TMEM138: variants seen among roughly 807,000 people sequenced by gnomAD.
The protein encoded by TMEM138 is transmembrane protein 138.
Under a neutral mutation model 18.1 loss-of-function variants are expected in TMEM138, and 9 were observed. The observed-to-expected ratio is 0.50, with a 90% CI of 0.30 to 0.87. The LOEUF (loss-of-function observed/expected upper bound fraction) is 0.87, where lower values mean the gene tolerates loss of function less well. TMEM138 is among the 40% of genes least tolerant of loss of function. TMEM138 has a pLI of 0.06. For synonymous variants in TMEM138, 79 were observed against 74.8 expected (o/e 1.06, Z -0.29); for missense variants, 189 against 190.6 (o/e 0.99, Z 0.05).
chr11:61,373,846 T>A (rs1266954334), downstream of TMEM138, among the ~76,000 whole-genome samples: 1 of 151,852 alleles, frequency 6.6e-6, no homozygotes, highest in African/African-American at 2.4e-5. Context: ...TTTTTTATTT[T>A]TTTTTTTTTT....
chr11:61,373,079 C>T (rs1409135113), downstream of TMEM138, among the ~76,000 whole-genome samples: 1 of 152,104 alleles, frequency 6.6e-6, no homozygotes, highest in Admixed American at 6.6e-5. Flanking sequence ...ACAGCAAGTC[C>T]TGCTAAATGT....
At chr11:61,364,713 GACCCTGTCTCT>G in intron 2 of TMEM138, 195 bp downstream of exon 2, 1 of 619,682 alleles carries the variant, frequency 1.6e-6, no homozygotes, top group Non-Finnish European at 2.6e-6. Context: ...AACATAGCAA[GACCCTGTCTCT>G]ACCTACTAAA....
chr11:61,366,079 A>G lies in TMEM138; in HGVS notation c.163A>G (p.Ile55Val). The change falls in exon 3 of 5, where the codon ATC (isoleucine) becomes GTC (valine). Residue 55 changes from isoleucine to valine, a missense_variant. Coordinates refer to ENST00000278826, the MANE Select transcript of TMEM138 (RefSeq NM_016464.5). The part of the protein sequence containing the change: ...QDIAVLFNII[I>V]IFLMFFNTFV... The stretch of plus-strand genomic sequence containing the variant: ...TATTGCAGTCCTCTTCAACATCATC[A>G]TCATTTTCCTCATGTTCTTCAACAC... The G allele has an allele frequency of 6.2e-7, 1 of 1,613,818 alleles. No individual in the cohort carries two copies. Among genetic ancestry groups the G allele is most frequent in the Non-Finnish European group, 8.5e-7 (1 of 1,179,916 alleles).
In TMEM138 at chr11:61,368,669, C is replaced by G. The variant is rs144803456; in HGVS notation, c.449C>G (p.Ser150Cys). The change falls in exon 5 of 5, where the codon TCT becomes TGT. Residue 150 changes from serine (S) to cysteine (C), a missense_variant. Physicochemically the swap from Ser to Cys is moderately radical, Grantham distance 112. Coordinates refer to ENST00000278826, the MANE Select transcript of TMEM138 (RefSeq NM_016464.5). Reference protein sequence around the residue: ...RLGDPHFYQDSLWLRKEFMQV... With the variant: ...RLGDPHFYQDCLWLRKEFMQV... ...GGCGATCCTCACTTCTACCAGGACTCTTTGTGGCTGCGCAAGGAGTTCATG... is the reference window on the plus strand; with the variant it reads ...GGCGATCCTCACTTCTACCAGGACTGTTTGTGGCTGCGCAAGGAGTTCATG... 1 of 1,614,044 alleles carries G rather than the reference C, an allele frequency of 6.2e-7. No individual in the cohort carries two copies. The highest frequency in any genetic ancestry group is 8.5e-7 in the Non-Finnish European group (1 of 1,180,042).
Position 61,368,924 on chromosome 11 carries a change from C to G in TMEM138, c.*215C>G, listed in dbSNP as rs554782688. ...TGCGGCATCCCTTCCTTGCCTTCTA[C>G]CTCTGTTCCACCCCCTTTCCTTCCT... On this transcript the variant is annotated 3_prime_UTR_variant, in exon 5 of 5. Coordinates refer to ENST00000278826, the MANE Select transcript of TMEM138 (RefSeq NM_016464.5). The G allele has an allele frequency of 7.1e-6, 4 of 563,528 alleles. No homozygotes were observed. In the South Asian group the frequency reaches 8.0e-5, roughly 11 times the overall value. 34.9% of individuals were successfully genotyped at this position (563,528 alleles called of 1,614,324 possible). A position where few individuals can be genotyped will look rare whatever the true frequency, so the allele number is the denominator to read the frequency against.
intron 2 of TMEM138, chr11:61,365,756 C>T (rs999218251): frequency 3.8e-6 from 1 of 262,042 alleles, no homozygotes; most frequent in African/African-American, 2.2e-5. Context: ...AGAGAATCTT[C>T]TATAGGACTA....
downstream of TMEM138, among the ~76,000 whole-genome samples, chr11:61,370,038 T>C (rs1021530016): frequency 2.6e-5 from 4 of 152,188 alleles, no homozygotes; most frequent in African/African-American, 4.8e-5. Context: ...CAAGGCTTCA[T>C]TGGAGCTTAT....
chr11:61,372,232 A>G (rs1401685355), downstream of TMEM138, among the ~76,000 whole-genome samples: 1 of 151,704 alleles, frequency 6.6e-6, no homozygotes, highest in Non-Finnish European at 1.5e-5. Flanking sequence ...ATTCAATTCT[A>G]CCTAAAGTGT....
At chr11:61,373,880 G>T (rs543205288), downstream of TMEM138, among the ~76,000 whole-genome samples, 11 of 150,740 alleles carry the variant, frequency 7.3e-5, no homozygotes, top group African/African-American at 2.7e-4. Context: ...CACTCTTGTC[G>T]TCCAGGCTGG....
At position 61,369,063 on chromosome 11, in the gene TMEM138, C is replaced by G. The variant is rs889868449; in HGVS notation, c.*354C>G. 8.9e-5 allele frequency: 21 copies of G among 235,450 alleles called. No homozygotes were observed. Among genetic ancestry groups the G allele is most frequent in the Non-Finnish European group, 1.4e-4 (17 of 117,926 alleles). The allele number at this position is 235,450 out of a possible 1,614,324, so 14.6% of individuals were successfully genotyped here. A position where few individuals can be genotyped will look rare whatever the true frequency, so the allele number is the denominator to read the frequency against. ...TGGGACAGAAGGACCTCCCAGCCCC[C>G]AAAGGATCTCCCAGTGACCAAAGGA... On this transcript the variant is annotated 3_prime_UTR_variant, in exon 5 of 5. Coordinates refer to ENST00000278826, the MANE Select transcript of TMEM138 (RefSeq NM_016464.5).
intron 2 of TMEM138, 47 bp downstream of exon 2, chr11:61,364,565 A>C: frequency 6.2e-7 from 1 of 1,610,324 alleles, no homozygotes; most frequent in East Asian, 2.2e-5. Flanking sequence ...CGCAATTCAA[A>C]GGCCCTGACA....
intron 4 of TMEM138, 116 bp downstream of exon 4, chr11:61,368,114 C>T: frequency 1.3e-6 from 1 of 795,918 alleles, no homozygotes. Flanking sequence ...GTTGTGACAG[C>T]CACACCAGGA....
intron 2 of TMEM138, 171 bp downstream of exon 2, chr11:61,364,689 G>A (rs1858073986): frequency 1.2e-6 from 1 of 864,212 alleles, no homozygotes; most frequent in Non-Finnish European, 1.7e-6. Context: ...GGGAGTTTGA[G>A]GACCAGCCTA....
chr11:61,363,061 C>A (rs960052038), intron 1 of TMEM138: 1 of 152,262 alleles, frequency 6.6e-6, no homozygotes, highest in African/African-American at 2.4e-5. Flanking sequence ...CATGGTGAAA[C>A]CCCGTCTCTA....
downstream of TMEM138, among the ~76,000 whole-genome samples, chr11:61,376,654 T>C (rs1402753122): frequency 6.6e-6 from 1 of 152,208 alleles, no homozygotes; most frequent in African/African-American, 2.4e-5. Context: ...CATAAGCCAC[T>C]TTCATACCTG....
At position 61,366,118 on chromosome 11, in the gene TMEM138, G is replaced by A; in HGVS notation, c.202G>A (p.Ala68Thr). Residue 68 changes from alanine to threonine, a missense_variant, in exon 3 of 5, where the codon GCT becomes ACT. Transcript: ENST00000278826. Reference protein sequence around the residue: ...LMFFNTFVFQAGLVNLLFHKF... With the variant: ...LMFFNTFVFQTGLVNLLFHKF... The stretch of plus-strand genomic sequence containing the variant: ...GTTCTTCAACACCTTCGTCTTCCAG[G>A]CTGGCCTGGTCAACCTCCTATTCCA... 6.2e-7 allele frequency: 1 copy of A among 1,614,120 alleles called. No homozygotes were observed. Among genetic ancestry groups the A allele is most frequent in the Non-Finnish European group, 8.5e-7 (1 of 1,180,026 alleles).
In TMEM138 at chr11:61,366,315, G is replaced by A; in HGVS notation, c.300+99G>A. 5.2e-6 allele frequency: 7 copies of A among 1,346,674 alleles called. No individual in the cohort carries two copies. The South Asian group carries it at 6.1e-5, about 12-fold the overall frequency. The allele number at this position is 1,346,674 out of a possible 1,614,324, so 83.4% of individuals were successfully genotyped here. A position where few individuals can be genotyped will look rare whatever the true frequency, so the allele number is the denominator to read the frequency against. ...GCTGGTCTCAAACTCCTGAGCTCAA[G>A]CAATTCTCCTGCTTCTGCCTCCCAA... is the stretch of plus-strand genomic sequence containing the variant. On this transcript the variant is annotated intron_variant, in intron 3 of 4. Transcript: ENST00000278826.
Position 61,368,635 on chromosome 11 carries a change from G to T in TMEM138, c.415G>T (p.Val139Leu), listed in dbSNP as rs141029883. 5 of 1,613,894 alleles carry T rather than the reference G, an allele frequency of 3.1e-6. No homozygotes were observed. The East Asian group carries it at 1.1e-4, about 36-fold the overall frequency. Reference protein sequence around the residue: ...LYCYFYKRTAVRLGDPHFYQD... With the variant: ...LYCYFYKRTALRLGDPHFYQD... ...CTGCTACTTCTATAAACGGACAGCC[G>T]TAAGACTAGGCGATCCTCACTTCTA... The change falls in exon 5 of 5, where the codon GTA becomes TTA. Residue 139 changes from valine to leucine, a missense_variant. Val to Leu is a conservative substitution (Grantham distance 32). Transcript: ENST00000278826.
chr11:61,368,476 T>A (rs1321926705), intron 4 of TMEM138, 121 bp from the exon 5 acceptor site: 8 of 647,384 alleles, frequency 1.2e-5, no homozygotes, highest in Non-Finnish European at 1.7e-5. Flanking sequence ...TCCGCCTGCC[T>A]CTGCCTCCTA....
Sources: gnomAD v4.1 joint callset for allele counts (sites outside exome capture counted in the v4.1 genomes callset) on GRCh38, gnomAD v4.1.1 for gene constraint, MANE v1.5 for transcripts, NCBI Gene and HGNC (gene_info 2026-07-23, HGNC 2026-07-21) for gene names.